The following UMODL1 variants were observed in gnomAD, a reference collection of about 807,000 sequenced individuals.
The protein encoded by UMODL1 is uromodulin like 1.
UMODL1 carries 128 observed loss-of-function variants against 136.3 expected under a neutral mutation model. The ratio of observed to expected loss-of-function variants is 0.94; its 90% confidence interval spans 0.81 to 1.09. UMODL1 has a LOEUF of 1.09. Among genes scored for constraint, UMODL1 ranks in the 50% least tolerant of loss-of-function variants. The pLI is 0.00. For synonymous variants in UMODL1, 721 were observed against 720.0 expected (o/e 1.00, Z -0.02); for missense variants, 1,766 against 1,725.6 (o/e 1.02, Z -0.41).
At chr21:42,068,941 C>G (rs1258417864), upstream of UMODL1, among the ~76,000 whole-genome samples, 1 of 152,200 alleles carries the variant, frequency 6.6e-6, no homozygotes, top group African/African-American at 2.4e-5. The surrounding 1 kb of genome is among the most constrained non-coding windows in gnomAD (Gnocchi z 5.5). Context: ...TCCATTGTCT[C>G]TCCAGCCCTT....
At chr21:42,090,779 A>C (rs1435707853) in intron 6 of UMODL1, among the ~76,000 whole-genome samples, 1 of 152,216 alleles carries the variant, frequency 6.6e-6, no homozygotes, top group East Asian at 1.9e-4. Flanking sequence ...TCATTTGCTG[A>C]ACCTGTTTTT....
chr21:42,126,325 A>G lies in UMODL1; in HGVS notation c.3148-20A>G, dbSNP rs557602371. ...GCCGGCTGGGGCCTGGGAGCTCCTC[A>G]TGCTCCGCTTTGTGCTCAGAACATG... is the stretch of plus-strand genomic sequence containing the variant. On this transcript the variant is annotated intron_variant, in intron 17 of 22. Coordinates refer to ENST00000408910, the MANE Select transcript of UMODL1 (RefSeq NM_001004416.3). The G allele has an allele frequency of 1.9e-6, 3 of 1,613,410 alleles. No individual in the cohort carries two copies. Among genetic ancestry groups the G allele is most frequent in the African/African-American group, 1.3e-5 (1 of 75,042 alleles).
intron 21 of UMODL1, among the ~76,000 whole-genome samples, chr21:42,132,974 C>A (rs1268209030): frequency 2.0e-5 from 3 of 152,218 alleles, no homozygotes; most frequent in Non-Finnish European, 4.4e-5. Context: ...ACTGGCATAA[C>A]CAAAGCAGGA....
intron 10 of UMODL1, among the ~76,000 whole-genome samples, 181 bp from the exon 11 acceptor site, chr21:42,110,699 C>A (rs532567400): frequency 6.6e-6 from 1 of 152,168 alleles, no homozygotes; most frequent in East Asian, 1.9e-4. Flanking sequence ...CAGAGAGCCC[C>A]GGGGAGGCTG....
intron 2 of UMODL1, among the ~76,000 whole-genome samples, chr21:42,079,205 C>A (rs1438569897): frequency 6.6e-6 from 1 of 152,186 alleles, no homozygotes; most frequent in African/African-American, 2.4e-5. Context: ...CCACCCATGC[C>A]CACCATCACC....
chr21:42,102,405 C>T, intron 8 of UMODL1, 127 bp downstream of exon 8: 1 of 687,574 alleles, frequency 1.5e-6, no homozygotes, highest in African/African-American at 1.8e-5. Context: ...ACTGCAGCTT[C>T]AGGGGAGGCC....
At chr21:42,063,323 CTTCACTTT>C (rs2146399918) in intron 1 of UMODL1, 1 of 152,580 alleles carries the variant, frequency 6.6e-6, no homozygotes, top group South Asian at 2.1e-4. Flanking sequence ...GCCAAGGGCC[CTTCACTTT>C]CACTTCCTCA....
chr21:42,114,291 T>C (rs920977386), intron 13 of UMODL1, among the ~76,000 whole-genome samples: 6 of 152,106 alleles, frequency 3.9e-5, no homozygotes, highest in South Asian at 2.1e-4. Context: ...AAGTAAAGAA[T>C]TGAGCAATAA....
Position 42,121,155 on chromosome 21 carries a change from T to G in UMODL1, c.2758T>G (p.Ser920Ala). The change falls in exon 16 of 23, where the codon TCT (serine) becomes GCT (alanine). Residue 920 changes from serine (S) to alanine (A), a missense_variant. Ser to Ala is a moderately conservative substitution (Grantham distance 99). Transcript: ENST00000408910. ...GACATCCTGTCGAAACACCCTCGGG[T>G]CTTTCACTTGTAGCTGCGAGGGAGG... ...PGTSCRNTLG[S>A]FTCSCEGGAP... is the part of the protein sequence containing the mutation. 1.2e-6 allele frequency: 2 copies of G among 1,614,118 alleles called. No homozygotes were observed. Among genetic ancestry groups the G allele is most frequent in the Non-Finnish European group, 1.7e-6 (2 of 1,179,996 alleles).
chr21:42,113,936 G>A, intron 13 of UMODL1, 106 bp downstream of exon 13: 1 of 1,434,960 alleles, frequency 7.0e-7, no homozygotes, highest in South Asian at 1.4e-5. Context: ...GCTGCTAGGT[G>A]TCATTGTTCT....
rs2066412049 is a variant in UMODL1 at position 42,085,251 on chromosome 21, T to C, written c.482-40T>C. On this transcript the variant is annotated intron_variant, in intron 3 of 22. Coordinates refer to ENST00000408910, the MANE Select transcript of UMODL1 (RefSeq NM_001004416.3). This position sits in a 1 kb window ranked among gnomAD's most constrained non-coding sequence, Gnocchi z 4.5. ...CCCAGCAGCTTTTGTGACTTCAACCTGTCCTGGGTCCATAATCATCAGTGT... is the reference window on the plus strand; with the variant it reads ...CCCAGCAGCTTTTGTGACTTCAACCCGTCCTGGGTCCATAATCATCAGTGT... The C allele has an allele frequency of 6.3e-7, 1 of 1,596,002 alleles. No individual in the cohort carries two copies. Among genetic ancestry groups the C allele is most frequent in the Admixed American group, 1.7e-5 (1 of 58,656 alleles).
rs370485589 is a variant in UMODL1 at position 42,129,674 on chromosome 21, A to G, written c.3691-39A>G. The G allele has an allele frequency of 3.5e-4, 539 of 1,526,948 alleles. 1 individual carries two copies. The highest frequency in any genetic ancestry group is 4.4e-4 in the Non-Finnish European group (500 of 1,129,816). 94.6% of individuals were successfully genotyped at this position (1,526,948 alleles called of 1,614,324 possible). On this transcript the variant is annotated intron_variant, in intron 20 of 22. Coordinates refer to ENST00000408910, the MANE Select transcript of UMODL1 (RefSeq NM_001004416.3). ...GCTCCTTTCTCATAAATGTTGTTCA[A>G]TTAATTTGACGTTTCTCTTCTTGGA...
chr21:42,134,867 G>A (rs926335380), intron 21 of UMODL1, among the ~76,000 whole-genome samples: 4 of 151,558 alleles, frequency 2.6e-5, no homozygotes, highest in South Asian at 2.1e-4. Flanking sequence ...CTTGTGATCC[G>A]CCCGCCTCAG....
chr21:42,121,328 T>G, intron 16 of UMODL1, 104 bp downstream of exon 16: 1 of 1,428,872 alleles, frequency 7.0e-7, no homozygotes, highest in Non-Finnish European at 9.5e-7. Flanking sequence ...GGTCATATTT[T>G]TATGTCCTGG....
chr21:42,078,777 T>G, intron 2 of UMODL1, among the ~76,000 whole-genome samples: 1 of 152,070 alleles, frequency 6.6e-6, no homozygotes, highest in African/African-American at 2.4e-5. Context: ...CAATGGCCCT[T>G]CTGTACTCTC....
chr21:42,112,343 A>G (rs2066844137), intron 12 of UMODL1, among the ~76,000 whole-genome samples: 1 of 145,240 alleles, frequency 6.9e-6, no homozygotes, highest in East Asian at 2.1e-4. Flanking sequence ...GCTGTTCTAT[A>G]TGCCCCAGAG....
intron 2 of UMODL1, among the ~76,000 whole-genome samples, chr21:42,082,226 A>G (rs1186640435): frequency 6.6e-6 from 1 of 152,206 alleles, no homozygotes; most frequent in Non-Finnish European, 1.5e-5. Context: ...TCCCAGCAGA[A>G]GCCAGGGCCG....
chr21:42,124,598 A>T (rs1466436944), intron 17 of UMODL1, among the ~76,000 whole-genome samples: 1 of 151,782 alleles, frequency 6.6e-6, no homozygotes, highest in African/African-American at 2.4e-5. Context: ...GCCTGGTGGG[A>T]AAGTGGGGCT....
chr21:42,127,682 C>T lies in UMODL1; in HGVS notation c.3541C>T (p.Pro1181Ser). ...FSFINNSCPV[P>S]NTYTNVIENG... Reference sequence around the variant, plus strand: ...TTCCTCTCTTCTCAGCTGCCCTGTGCCCAACACATACACCAACGTGATTGA... The same window carrying T: ...TTCCTCTCTTCTCAGCTGCCCTGTGTCCAACACATACACCAACGTGATTGA... Residue 1181 changes from proline (P) to serine (S), a missense_variant, in exon 20 of 23, where the codon CCC (proline) becomes TCC (serine). Transcript: ENST00000408910. The T allele has an allele frequency of 6.2e-7, 1 of 1,613,656 alleles. No homozygotes were observed. The highest frequency in any genetic ancestry group is 8.5e-7 in the Non-Finnish European group (1 of 1,179,858).
Sources: allele counts gnomAD v4.1 joint callset (sites outside exome capture counted in the v4.1 genomes callset), GRCh38; gene constraint gnomAD v4.1.1; non-coding constraint Gnocchi (gnomAD v3.1); transcripts MANE v1.5; gene names NCBI Gene and HGNC (gene_info 2026-07-23, HGNC 2026-07-21).